LGSN: variants seen among roughly 807,000 people sequenced by gnomAD.
The protein encoded by LGSN is lengsin, lens protein with glutamine synthetase domain, also known as lengsin.
A neutral mutation model predicts 19.5 loss-of-function variants in LGSN; 21 were observed. That is an observed-to-expected ratio of 1.07 (90% CI 0.76 to 1.55). The LOEUF (loss-of-function observed/expected upper bound fraction) is 1.55, where lower values mean the gene tolerates loss of function less well. Among genes scored for constraint, LGSN ranks in the 40% most tolerant of loss-of-function variants. LGSN has a pLI of 0.00. For synonymous variants in LGSN, 257 were observed against 215.6 expected, an observed-to-expected ratio of 1.19 and a Z score of -1.68; for missense variants, 673 against 608.5, an observed-to-expected ratio of 1.11 and a Z score of -1.12.
chr6:63,391,147 TA>T, the LGSN span, among the ~76,000 whole-genome samples: 1 of 152,344 alleles, frequency 6.6e-6, no homozygotes, highest in Non-Finnish European at 1.5e-5. Context: ...ATCTCGTTTT[TA>T]AAAAATATGA....
the LGSN span, among the ~76,000 whole-genome samples, chr6:63,567,683 G>A: frequency 6.6e-6 from 1 of 152,184 alleles, no homozygotes. Context: ...CCCCTAACAA[G>A]AGAACTGCCT....
chr6:63,412,723 GAAAGAAAGAAAGAAA>G, the LGSN span, among the ~76,000 whole-genome samples: 1 of 26,290 alleles, frequency 3.8e-5, no homozygotes, highest in African/African-American at 3.4e-4. Flanking sequence ...AGGAAGGAAA[GAAAGAAAGAAAGAAA>G]GAAAGAAAGA....
At chr6:63,456,346 A>AATATAT in the LGSN span, among the ~76,000 whole-genome samples, 3,731 of 100,224 alleles carry the variant, frequency 0.037, 681 homozygotes, top group Non-Finnish European at 0.04. Context: ...ACTTGGCAGA[A>AATATAT]ATATACATAT....
chr6:63,545,215 A>G, the LGSN span, among the ~76,000 whole-genome samples: 1 of 152,190 alleles, frequency 6.6e-6, no homozygotes, highest in Non-Finnish European at 1.5e-5. Flanking sequence ...GATTTGGGGC[A>G]ACTGGAAGTC....
chr6:63,279,881 A>G lies in LGSN; in HGVS notation c.*140T>C. On this transcript the variant is annotated 3_prime_UTR_variant, in exon 4 of 4. Coordinates refer to ENST00000370657, the MANE Select transcript of LGSN (RefSeq NM_016571.3). ...TCCTACTTCATCTGTCAAATATTCC[A>G]TGGACAAAAAAAAAAGTCAAAAGCA... 2 of 778,072 alleles carry G rather than the reference A, an allele frequency of 2.6e-6. No homozygotes were observed. The highest frequency in any genetic ancestry group is 4.2e-6 in the Non-Finnish European group (2 of 478,670). 48.2% of individuals were successfully genotyped at this position (778,072 alleles called of 1,614,324 possible). A position where few individuals can be genotyped will look rare whatever the true frequency, so the allele number is the denominator to read the frequency against.
chr6:63,425,761 C>CA, the LGSN span, among the ~76,000 whole-genome samples: 1 of 151,120 alleles, frequency 6.6e-6, no homozygotes, highest in South Asian at 2.1e-4. Context: ...TGCTTCAGTC[C>CA]AAAAATTCAA....
At chr6:63,423,409 G>A in the LGSN span, among the ~76,000 whole-genome samples, 1 of 151,946 alleles carries the variant, frequency 6.6e-6, no homozygotes, top group Non-Finnish European at 1.5e-5. Flanking sequence ...GCAGGAGGCA[G>A]GCAGATTTCA....
At chr6:63,366,643 A>G in the LGSN span, among the ~76,000 whole-genome samples, 19,515 of 151,620 alleles carry the variant, frequency 0.13, 2,795 homozygotes, top group African/African-American at 0.35. Flanking sequence ...ACAATCCTAA[A>G]CCAAAAGAAC....
chr6:63,282,359 T>A (rs1376132804), intron 3 of LGSN, among the ~76,000 whole-genome samples: 1 of 152,214 alleles, frequency 6.6e-6, no homozygotes, highest in African/African-American at 2.4e-5. Flanking sequence ...TTCTCTTTCT[T>A]TCTCTTTTTT....
At chr6:63,412,644 AG>A in the LGSN span, among the ~76,000 whole-genome samples, 1 of 137,840 alleles carries the variant, frequency 7.3e-6, no homozygotes, top group Non-Finnish European at 1.5e-5. Flanking sequence ...AAGGGAAGGA[AG>A]GGAAGGAAGG....
the LGSN span, among the ~76,000 whole-genome samples, chr6:63,545,906 T>C: frequency 6.6e-6 from 1 of 152,158 alleles, no homozygotes; most frequent in South Asian, 2.1e-4. Flanking sequence ...AACCTGGTTC[T>C]GTTATTCAAA....
chr6:63,335,039 A>G, the LGSN span, among the ~76,000 whole-genome samples: 15 of 150,990 alleles, frequency 9.9e-5, no homozygotes, highest in African/African-American at 3.6e-4. Flanking sequence ...GATATTCAGG[A>G]GGCTGAGGCA....
the LGSN span, among the ~76,000 whole-genome samples, chr6:63,524,169 G>A: frequency 6.6e-6 from 1 of 152,082 alleles, no homozygotes; most frequent in African/African-American, 2.4e-5. Context: ...GTTTTGAGTA[G>A]AGATGGAGTT....
the LGSN span, among the ~76,000 whole-genome samples, chr6:63,333,721 A>C: frequency 6.6e-6 from 1 of 152,076 alleles, no homozygotes; most frequent in South Asian, 2.1e-4. Flanking sequence ...AAACTCAAAA[A>C]TCCTCAACAA....
At chr6:63,302,928 TC>T (rs1331896021) in intron 1 of LGSN, among the ~76,000 whole-genome samples, 3 of 151,814 alleles carry the variant, frequency 2.0e-5, no homozygotes, top group Non-Finnish European at 4.4e-5. Context: ...GGAGTTCGAG[TC>T]CAGCCTGGCC....
the LGSN span, among the ~76,000 whole-genome samples, chr6:63,471,657 ACT>A: frequency 5.2e-4 from 75 of 143,478 alleles, no homozygotes; most frequent in Middle Eastern, 3.5e-3. Context: ...CAAGAATAAG[ACT>A]CTGTCAAAAA....
chr6:63,331,049 A>G, the LGSN span, among the ~76,000 whole-genome samples: 5 of 152,280 alleles, frequency 3.3e-5, no homozygotes, highest in South Asian at 1.0e-3. Context: ...CTCCCCCTAC[A>G]GCTTAAAGGG....
the LGSN span, among the ~76,000 whole-genome samples, chr6:63,501,362 C>CA: frequency 0.55 from 73,307 of 133,708 alleles, 20,212 homozygotes; most frequent in African/African-American, 0.74. Context: ...AACTTCGTCT[C>CA]AAAAAAAAAA....
At chr6:63,353,394 C>A in the LGSN span, among the ~76,000 whole-genome samples, 2 of 152,044 alleles carry the variant, frequency 1.3e-5, no homozygotes, top group African/African-American at 4.8e-5. Flanking sequence ...GGCAACAGTG[C>A]CTTCCTGGAT....
Sources: gnomAD v4.1 joint callset for allele counts (sites outside exome capture counted in the v4.1 genomes callset) on GRCh38, gnomAD v4.1.1 for gene constraint, MANE v1.5 for transcripts, NCBI Gene and HGNC (gene_info 2026-07-23, HGNC 2026-07-21) for gene names.